Variants in LGSN observed in about 807,000 individuals in gnomAD.
LGSN encodes the protein lengsin, lens protein with glutamine synthetase domain.
LGSN carries 21 observed loss-of-function variants against 19.5 expected under a neutral mutation model. The ratio of observed to expected loss-of-function variants is 1.07; its 90% confidence interval spans 0.76 to 1.55. The LOEUF (loss-of-function observed/expected upper bound fraction) is 1.55. LGSN is among the 40% of genes most tolerant of loss of function. LGSN has a pLI of 0.00. For missense variants in LGSN, 673 were observed against 608.5 expected, an observed-to-expected ratio of 1.11 and a Z score of -1.12; for synonymous variants, 257 against 215.6, an observed-to-expected ratio of 1.19 and a Z score of -1.68.
the LGSN span, among the ~76,000 whole-genome samples, chr6:63,383,871 A>C: frequency 2.0e-5 from 3 of 152,348 alleles, no homozygotes. Context: ...CTGCAAAGTC[A>C]GAATTTGTAG....
chr6:63,317,192 T>G (rs1182118430), intron 1 of LGSN, among the ~76,000 whole-genome samples: 8 of 152,166 alleles, frequency 5.3e-5, no homozygotes, highest in Admixed American at 5.2e-4. Context: ...ATAAAGTATA[T>G]GTAATGAATG....
the LGSN span, among the ~76,000 whole-genome samples, chr6:63,504,588 G>A: frequency 7.2e-5 from 11 of 151,930 alleles, no homozygotes; most frequent in South Asian, 2.1e-4. Flanking sequence ...GATTACAGGC[G>A]TGCACCACCA....
the LGSN span, among the ~76,000 whole-genome samples, chr6:63,459,435 A>AAATT: frequency 1.3e-5 from 2 of 152,032 alleles, no homozygotes; most frequent in Admixed American, 6.6e-5. Flanking sequence ...TTTTCAATCT[A>AAATT]TTCATTATAG....
the LGSN span, among the ~76,000 whole-genome samples, chr6:63,329,150 T>G: frequency 1.3e-5 from 2 of 152,146 alleles, no homozygotes; most frequent in Non-Finnish European, 2.9e-5. Context: ...ATCCACATAT[T>G]GAAGGACCAG....
At chr6:63,411,358 T>G in the LGSN span, among the ~76,000 whole-genome samples, 1 of 152,220 alleles carries the variant, frequency 6.6e-6, no homozygotes, top group East Asian at 1.9e-4. Flanking sequence ...GCATCAGAGA[T>G]AAGTTACACT....
chr6:63,305,572 T>C (rs1768351067), intron 1 of LGSN, among the ~76,000 whole-genome samples: 1 of 152,214 alleles, frequency 6.6e-6, no homozygotes, highest in Middle Eastern at 3.2e-3. Context: ...CTCCCAGCTG[T>C]AACTAATTCA....
chr6:63,321,660 G>T (rs1450583932), upstream of LGSN, among the ~76,000 whole-genome samples: 1 of 151,998 alleles, frequency 6.6e-6, no homozygotes, highest in Non-Finnish European at 1.5e-5. Context: ...CTAATTTATG[G>T]TATTAGCATG....
At chr6:63,291,016 A>G (rs938623749) in intron 2 of LGSN, among the ~76,000 whole-genome samples, 2 of 152,216 alleles carry the variant, frequency 1.3e-5, no homozygotes, top group African/African-American at 4.8e-5. Flanking sequence ...ATAAAGCCAA[A>G]GTAGAGAGAA....
chr6:63,365,357 G>A, the LGSN span, among the ~76,000 whole-genome samples: 1 of 151,976 alleles, frequency 6.6e-6, no homozygotes, highest in Admixed American at 6.6e-5. Context: ...TAAATTCCTG[G>A]ATACACACAC....
chr6:63,557,296 TG>T, the LGSN span, among the ~76,000 whole-genome samples: 1 of 152,230 alleles, frequency 6.6e-6, no homozygotes, highest in Non-Finnish European at 1.5e-5. Context: ...GTGGGCATGG[TG>T]GCTCATGCCT....
the LGSN span, among the ~76,000 whole-genome samples, chr6:63,525,354 A>G: frequency 6.6e-6 from 1 of 152,152 alleles, no homozygotes; most frequent in Non-Finnish European, 1.5e-5. Flanking sequence ...GATTCTGCCA[A>G]TGGGGGAGCT....
the LGSN span, chr6:63,480,208 C>T: frequency 4.5e-6 from 1 of 221,794 alleles, no homozygotes; most frequent in South Asian, 8.4e-5. Flanking sequence ...AGAGCTGCAA[C>T]AAGGGGTATG....
At chr6:63,407,005 A>T in the LGSN span, among the ~76,000 whole-genome samples, 1 of 152,214 alleles carries the variant, frequency 6.6e-6, no homozygotes, top group Non-Finnish European at 1.5e-5. Context: ...TGAATAGACC[A>T]ATAACAGGCT....
the LGSN span, among the ~76,000 whole-genome samples, chr6:63,539,780 AT>A: frequency 1.3e-5 from 2 of 152,050 alleles, no homozygotes; most frequent in African/African-American, 2.4e-5. Flanking sequence ...AAAAAAAAAA[AT>A]TGGCAAAGGA....
At chr6:63,491,640 C>A in the LGSN span, among the ~76,000 whole-genome samples, 1 of 152,124 alleles carries the variant, frequency 6.6e-6, no homozygotes, top group Non-Finnish European at 1.5e-5. Context: ...GGGTATGGTA[C>A]AGGGATGTCT....
chr6:63,540,880 A>G, the LGSN span, among the ~76,000 whole-genome samples: 1 of 150,984 alleles, frequency 6.6e-6, no homozygotes, highest in East Asian at 2.0e-4. Flanking sequence ...GCGGTCACCT[A>G]TAATCCCAAC....
chr6:63,449,986 A>G, the LGSN span, among the ~76,000 whole-genome samples: 3 of 152,136 alleles, frequency 2.0e-5, no homozygotes, highest in Non-Finnish European at 4.4e-5. Context: ...TGTGTGTGAG[A>G]GAGAGAGTCT....
chr6:63,388,906 A>C, the LGSN span, among the ~76,000 whole-genome samples: 16,440 of 152,228 alleles, frequency 0.11, 1,843 homozygotes, highest in African/African-American at 0.29. Flanking sequence ...ACATTCTTAT[A>C]CTTGGCACAA....
At chr6:63,517,162 A>G in the LGSN span, among the ~76,000 whole-genome samples, 1 of 152,162 alleles carries the variant, frequency 6.6e-6, no homozygotes, top group African/African-American at 2.4e-5. Context: ...TTATTATTAA[A>G]CAAGGATAAT....
Sources: gnomAD v4.1 joint callset for allele counts (sites outside exome capture counted in the v4.1 genomes callset) on GRCh38, gnomAD v4.1.1 for gene constraint, MANE v1.5 for transcripts, NCBI Gene and HGNC (gene_info 2026-07-23, HGNC 2026-07-21) for gene names.